The following NXN variants were observed in gnomAD, a reference collection of about 807,000 sequenced individuals.
NXN encodes nucleoredoxin.
A neutral mutation model predicts 48.6 loss-of-function variants in NXN; 16 were observed. The observed-to-expected ratio is 0.33, with a 90% CI of 0.22 to 0.50. NXN has a LOEUF of 0.50. Ranked by LOEUF, NXN falls within the 20% of genes least tolerant of loss-of-function variation. The pLI, the probability that NXN is intolerant of heterozygous loss-of-function variation, is 0.98. For missense variants in NXN, 492 were observed against 605.5 expected (o/e 0.81, Z 1.97); for synonymous variants, 281 against 269.6 (o/e 1.04, Z -0.41).
At chr17:893,295 T>C (rs1189020804) in intron 1 of NXN, among the ~76,000 whole-genome samples, 2 of 152,176 alleles carry the variant, frequency 1.3e-5, no homozygotes, top group Non-Finnish European at 2.9e-5. Context: ...TGGGGGATAA[T>C]CTTTTTAGGG....
At chr17:841,612 A>AGCAGGTCCACCCTGACCACGGC (rs1914294143) in intron 1 of NXN, among the ~76,000 whole-genome samples, 1 of 8,478 alleles carries the variant, frequency 1.2e-4, no homozygotes, top group Non-Finnish European at 2.2e-4. Flanking sequence ...CCGACCACAG[A>AGCAGGTCCACCCTGACCACGGC]GCATCTCACA....
intron 1 of NXN, chr17:896,859 C>T (rs997715103): frequency 1.1e-5 from 6 of 541,018 alleles, no homozygotes; most frequent in Non-Finnish European, 1.5e-5. Context: ...TCCTGACCAC[C>T]CGCCCCCGGC....
At position 801,130 on chromosome 17, in the gene NXN, T is replaced by C; in HGVS notation, c.1127A>G (p.Asp376Gly). 2 of 1,527,814 alleles carry C rather than the reference T, an allele frequency of 1.3e-6. No individual in the cohort carries two copies. Among genetic ancestry groups the C allele is most frequent in the Non-Finnish European group, 1.8e-6 (2 of 1,136,024 alleles). The allele number at this position is 1,527,814 out of a possible 1,614,324, so 94.6% of individuals were successfully genotyped here. Residue 376 changes from aspartate (D) to glycine (G), a missense_variant and splice_region_variant, in exon 8 of 8, where the codon GAT becomes GGT. Asp to Gly is a moderately conservative substitution (Grantham distance 94, BLOSUM62 -1). This residue lies in a region of NXN where 303 missense variants were observed against 388.3 expected (regional missense o/e 0.78). Transcript: ENST00000336868. ...APLLFFVAGEDDMTDSLRDYT... is the reference protein window; with the variant it reads ...APLLFFVAGEGDMTDSLRDYT... The stretch of plus-strand genomic sequence containing the variant: ...ATCTCGCAGGGAGTCAGTCATGTCA[T>C]CCTGAAGCCGTCAGGAGGGAGAGAA...
chr17:914,748 A>AC, intron 1 of NXN, among the ~76,000 whole-genome samples: 1 of 152,282 alleles, frequency 6.6e-6, no homozygotes, highest in South Asian at 2.1e-4. Context: ...CAGGGAGCGT[A>AC]CCGTGATGTG....
chr17:816,218 T>G (rs1912463734), intron 5 of NXN, among the ~76,000 whole-genome samples: 2 of 152,116 alleles, frequency 1.3e-5, no homozygotes, highest in Non-Finnish European at 2.9e-5. Flanking sequence ...TCACGTCGCT[T>G]TTAATTAACA....
At chr17:947,883 CAAA>C (rs71145800) in intron 1 of NXN, among the ~76,000 whole-genome samples, 20 of 119,228 alleles carry the variant, frequency 1.7e-4, no homozygotes, top group East Asian at 1.0e-3. Flanking sequence ...TACTGAAATA[CAAA>C]AAAAAAAAAA....
At chr17:869,791 T>C (rs576665168) in intron 1 of NXN, among the ~76,000 whole-genome samples, 5 of 152,216 alleles carry the variant, frequency 3.3e-5, no homozygotes, top group Non-Finnish European at 5.9e-5. Flanking sequence ...CACGGACAGT[T>C]AACAGCTACG....
At chr17:870,918 G>A (rs980045927) in intron 1 of NXN, among the ~76,000 whole-genome samples, 1 of 151,998 alleles carries the variant, frequency 6.6e-6, no homozygotes, top group African/African-American at 2.4e-5. Context: ...GAGTGCAGTG[G>A]TGCGATCTCA....
intron 1 of NXN, among the ~76,000 whole-genome samples, chr17:905,750 G>A (rs2068576151): frequency 6.6e-6 from 1 of 152,158 alleles, no homozygotes; most frequent in South Asian, 2.1e-4. Context: ...GCTGAGGCGG[G>A]AGGACTGCTT....
chr17:841,659 ACGCCGGCGAGCAGGTCCACCCTGAC>A (rs1914312112), intron 1 of NXN, among the ~76,000 whole-genome samples: 1 of 140,758 alleles, frequency 7.1e-6, no homozygotes. Context: ...AGCGCATCTC[ACGCCGGCGAGCAGGTCCACCCTGAC>A]CATGGCACAT....
Position 824,554 on chromosome 17 carries a change from C to T in NXN, c.479-789G>A, listed in dbSNP as rs1428834689. On this transcript the variant is annotated intron_variant, in intron 2 of 7. Transcript: ENST00000336868. Reference sequence around the variant, plus strand: ...CATCCCGGCCGTCACATCCCAGCGGCTGTCAGCTCTGACTGTACTTGGAAT... The same window carrying T: ...CATCCCGGCCGTCACATCCCAGCGGTTGTCAGCTCTGACTGTACTTGGAAT... Among the ~76,000 whole-genome samples, 16 of 152,238 alleles carry T rather than the reference C, an allele frequency of 1.1e-4. 1 individual carries two copies. The highest frequency in any genetic ancestry group is 1.0e-3 in the Admixed American group (16 of 15,288).
intron 1 of NXN, among the ~76,000 whole-genome samples, chr17:944,300 T>C (rs905473060): frequency 6.6e-6 from 1 of 152,182 alleles, no homozygotes; most frequent in Non-Finnish European, 1.5e-5. Context: ...GCTTCCATAA[T>C]GAGAGCTTCC....
intron 1 of NXN, among the ~76,000 whole-genome samples, chr17:977,867 A>C (rs2069480212): frequency 1.3e-5 from 2 of 152,280 alleles, no homozygotes; most frequent in Admixed American, 1.3e-4. Flanking sequence ...AAGCATGTCA[A>C]TCAAAATGGG....
rs147267262 is a variant in NXN, at chr17:957,832, G to T, written c.360+21487C>A. ...TCAGTCCAAGCCCAGACCCGAGAGA[G>T]GCAGCTCTCACCTTGCAAACAGACC... On this transcript the variant is annotated intron_variant, in intron 1 of 7. Transcript: ENST00000336868. Among the ~76,000 whole-genome samples the T allele has an allele frequency of 7.3e-3, 1,117 of 152,136 alleles. 15 individuals are homozygous for T. The highest frequency in any genetic ancestry group is 0.019 in the South Asian group (91 of 4,816).
At chr17:915,099 T>C (rs2068673946) in intron 1 of NXN, among the ~76,000 whole-genome samples, 1 of 151,538 alleles carries the variant, frequency 6.6e-6, no homozygotes, top group South Asian at 2.1e-4. Context: ...AACGCCAAGC[T>C]CATTTTTTGT....
chr17:818,656 C>T (rs572525549), intron 5 of NXN, among the ~76,000 whole-genome samples: 47 of 152,182 alleles, frequency 3.1e-4, no homozygotes, highest in Admixed American at 7.9e-4. Context: ...GAGGTCGAGG[C>T]GGGCAGATCA....
chr17:826,147 C>T, intron 1 of NXN, 69 bp from the exon 2 acceptor site: 1 of 1,021,150 alleles, frequency 9.8e-7, no homozygotes, highest in Non-Finnish European at 1.6e-6. Context: ...CTTTTGAGCC[C>T]CTTAGGTCTG....
chr17:886,237 T>C (rs1567848778), intron 1 of NXN, among the ~76,000 whole-genome samples: 1 of 152,076 alleles, frequency 6.6e-6, no homozygotes, highest in African/African-American at 2.4e-5. Flanking sequence ...CGCAAGGCCA[T>C]GTTCTTAGAA....
At chr17:914,593 A>C (rs138413787) in intron 1 of NXN, among the ~76,000 whole-genome samples, 37 of 152,348 alleles carry the variant, frequency 2.4e-4, no homozygotes, top group Middle Eastern at 3.4e-3. Flanking sequence ...AGGAATATAC[A>C]CAATTCAACA....
Sources: gnomAD v4.1 joint callset for allele counts (sites outside exome capture counted in the v4.1 genomes callset) on GRCh38, gnomAD v4.1.1 for gene constraint, gnomAD v4.1.1 regional missense constraint, MANE v1.5 for transcripts, NCBI Gene and HGNC (gene_info 2026-07-23, HGNC 2026-07-21) for gene names.